PCDH15: variants seen among roughly 807,000 people sequenced by gnomAD.
PCDH15 encodes protocadherin-15.
A neutral mutation model predicts 178.5 loss-of-function variants in PCDH15; 129 were observed. The ratio of observed to expected loss-of-function variants is 0.72; its 90% CI spans 0.63 to 0.84. PCDH15 has a LOEUF of 0.84. PCDH15 is among the 40% of genes least tolerant of loss of function. The probability of loss-of-function intolerance (pLI) is 0.00; values close to 1 mark genes in which losing one functional copy is unlikely to be tolerated. For synonymous variants in PCDH15, 800 were observed against 732.0 expected, an observed-to-expected ratio of 1.09 and a Z score of -1.50; for missense variants, 2,230 against 2,099.9, an observed-to-expected ratio of 1.06 and a Z score of -1.21.
chr10:54,251,177 A>T (rs1258357670), intron 8 of PCDH15, among the ~76,000 whole-genome samples: 1 of 152,136 alleles, frequency 6.6e-6, no homozygotes, highest in East Asian at 1.9e-4. Context: ...AGTTCTACCT[A>T]ATCTTTGCTT....
chr10:54,481,497 A>C (rs2078714413), intron 3 of PCDH15, among the ~76,000 whole-genome samples: 1 of 151,802 alleles, frequency 6.6e-6, no homozygotes, highest in Non-Finnish European at 1.5e-5. Context: ...ATAAACATTC[A>C]CAATATTATT....
At chr10:54,965,275 A>AT (rs1273443436) in intron 2 of PCDH15, among the ~76,000 whole-genome samples, 1 of 152,076 alleles carries the variant, frequency 6.6e-6, no homozygotes. Flanking sequence ...TGTAGCTCCC[A>AT]TTATCCACAA....
At chr10:55,362,857 A>G (rs934315821) in intron 2 of PCDH15, among the ~76,000 whole-genome samples, 2 of 152,200 alleles carry the variant, frequency 1.3e-5, no homozygotes, top group African/African-American at 4.8e-5. Context: ...CATTTCAAGA[A>G]GATCACAGGT....
intron 2 of PCDH15, among the ~76,000 whole-genome samples, chr10:55,332,855 T>G (rs1844241205): frequency 6.6e-6 from 1 of 152,212 alleles, no homozygotes; most frequent in Admixed American, 6.5e-5. Context: ...CATGTGGAAC[T>G]GTGAATCCAT....
At chr10:54,645,105 TATACTC>T (rs1391326317) in intron 2 of PCDH15, among the ~76,000 whole-genome samples, 1 of 152,188 alleles carries the variant, frequency 6.6e-6, no homozygotes, top group Non-Finnish European at 1.5e-5. Context: ...ATATTGGTAT[TATACTC>T]AGAAAACTCT....
intron 2 of PCDH15, among the ~76,000 whole-genome samples, chr10:55,431,340 G>A (rs1025220005): frequency 1.3e-5 from 2 of 152,096 alleles, no homozygotes; most frequent in East Asian, 3.9e-4. Flanking sequence ...CAATGAAACT[G>A]CATAGCTTGT....
At chr10:54,830,965 T>C (rs1953215658) in intron 3 of PCDH15, among the ~76,000 whole-genome samples, 1 of 151,952 alleles carries the variant, frequency 6.6e-6, no homozygotes, top group African/African-American at 2.4e-5. Context: ...ACAAAATCAA[T>C]ACAATTATGC....
chr10:54,084,229 G>T (rs940266862), intron 16 of PCDH15, among the ~76,000 whole-genome samples: 2 of 151,916 alleles, frequency 1.3e-5, no homozygotes, highest in Admixed American at 6.6e-5. Context: ...GGGATTACAG[G>T]TTCCCTGGGA....
chr10:53,934,619 G>A (rs560194630), intron 25 of PCDH15, among the ~76,000 whole-genome samples: 1 of 151,660 alleles, frequency 6.6e-6, no homozygotes, highest in South Asian at 2.1e-4. Flanking sequence ...AAAATCACAC[G>A]GAGATGTAAC....
At chr10:55,457,486 T>G (rs2132088280) in intron 2 of PCDH15, among the ~76,000 whole-genome samples, 1 of 152,170 alleles carries the variant, frequency 6.6e-6, no homozygotes, top group Admixed American at 6.5e-5. Flanking sequence ...AGATGACAGT[T>G]TTTAGAGAAA....
At chr10:54,942,561 G>C (rs1445788511) in intron 2 of PCDH15, among the ~76,000 whole-genome samples, 1 of 151,918 alleles carries the variant, frequency 6.6e-6, no homozygotes, top group Non-Finnish European at 1.5e-5. Context: ...GCATGTTAAA[G>C]GTAGTAGCTA....
intron 2 of PCDH15, among the ~76,000 whole-genome samples, chr10:55,434,591 A>T (rs983935193): frequency 1.4e-5 from 2 of 145,470 alleles, no homozygotes; most frequent in Non-Finnish European, 3.0e-5. Context: ...TAATTATTCA[A>T]TTACAAAGTC....
At chr10:54,279,030 C>T (rs1448651938) in intron 8 of PCDH15, among the ~76,000 whole-genome samples, 1 of 151,578 alleles carries the variant, frequency 6.6e-6, no homozygotes, top group African/African-American at 2.4e-5. Context: ...TTGGACTTGC[C>T]TTTAAGCCCT....
intron 18 of PCDH15, among the ~76,000 whole-genome samples, chr10:54,042,409 A>T (rs1302354677): frequency 6.6e-6 from 1 of 152,094 alleles, no homozygotes; most frequent in Non-Finnish European, 1.5e-5. Context: ...GGTAAAGGGA[A>T]AGGGGGTATA....
intron 3 of PCDH15, among the ~76,000 whole-genome samples, chr10:54,481,797 TA>T (rs1199875017): frequency 6.6e-6 from 1 of 151,888 alleles, no homozygotes; most frequent in Non-Finnish European, 1.5e-5. Context: ...ATTTCTCTTT[TA>T]TTTTTATTTT....
At chr10:53,809,605 T>G (rs2075793944) in intron 37 of PCDH15, 1 of 1,502,688 alleles carries the variant, frequency 6.7e-7, no homozygotes, top group African/African-American at 1.4e-5. Flanking sequence ...GGTATGACCT[T>G]GTCCCACGAA....
chr10:55,583,455 A>G (rs113535679), intron 2 of PCDH15, among the ~76,000 whole-genome samples: 2,166 of 152,224 alleles, frequency 0.014, 59 homozygotes, highest in African/African-American at 0.049. Context: ...TATGTTTAAG[A>G]CAGGGTCTCA....
At chr10:55,226,679 G>A (rs868795054) in intron 1 of PCDH15, among the ~76,000 whole-genome samples, 42 of 151,992 alleles carry the variant, frequency 2.8e-4, no homozygotes, top group African/African-American at 9.9e-4. Context: ...ACTGCGCCCG[G>A]CCAAGAATAG....
At chr10:54,274,250 G>A (rs1367957137) in intron 8 of PCDH15, among the ~76,000 whole-genome samples, 3 of 152,052 alleles carry the variant, frequency 2.0e-5, no homozygotes, top group Admixed American at 6.6e-5. Flanking sequence ...ACGAGTTTAC[G>A]TATGTAATGA....
Sources: gnomAD v4.1 joint callset for allele counts (sites outside exome capture counted in the v4.1 genomes callset) on GRCh38, gnomAD v4.1.1 for gene constraint, MANE v1.5 for transcripts, NCBI Gene and HGNC (gene_info 2026-07-23, HGNC 2026-07-21) for gene names.